Variants in C1D observed in about 807,000 individuals in gnomAD.
C1D encodes the protein C1D nuclear receptor corepressor.
Under a neutral mutation model 17.5 loss-of-function variants are expected in C1D, and 10 were observed. The observed-to-expected ratio is 0.57, with a 90% CI of 0.35 to 0.97. The LOEUF is 0.97. Among genes scored for constraint, C1D ranks in the 50% least tolerant of loss-of-function variants. The probability of loss-of-function intolerance (pLI) is 0.01; values close to 1 mark genes in which losing one functional copy is unlikely to be tolerated. For synonymous variants in C1D, 49 were observed against 54.0 expected (o/e 0.91, Z 0.40); for missense variants, 136 against 160.1 (o/e 0.85, Z 0.81).
rs1444942504 is a variant in C1D, at chr2:68,062,974, CCA to C, written c.-28_-27del. ...GAAAAATACCTCACGGCCTTCGACT[CCA>C]GTCTCCCGGAAAGCGGTCGGGCAAC... On this transcript the variant is annotated 5_prime_UTR_variant, in exon 1 of 5. Transcript: ENST00000410067. 1 of 152,226 alleles carries C rather than the reference CCA, an allele frequency of 6.6e-6. No homozygotes were observed. The highest frequency in any genetic ancestry group is 6.5e-5 in the Admixed American group (1 of 15,278). The allele number at this position is 152,226 out of a possible 1,614,324, so 9.4% of individuals were successfully genotyped here.
chr2:68,053,941 CTCTG>C (rs770121964), intron 1 of C1D, among the ~76,000 whole-genome samples: 1 of 128,846 alleles, frequency 7.8e-6, no homozygotes, highest in African/African-American at 2.6e-5. Flanking sequence ...CTTCTATGCT[CTCTG>C]TCTGGACAAA....
At chr2:68,048,026 CTATA>C (rs1329743856) in intron 1 of C1D, among the ~76,000 whole-genome samples, 9 of 151,788 alleles carry the variant, frequency 5.9e-5, no homozygotes, top group South Asian at 2.1e-4. Context: ...TTTTTCAAGC[CTATA>C]TATATTTATA....
At chr2:68,059,930 G>C (rs1448513326) in intron 1 of C1D, among the ~76,000 whole-genome samples, 1 of 152,112 alleles carries the variant, frequency 6.6e-6, no homozygotes, top group Non-Finnish European at 1.5e-5. Flanking sequence ...TGACCACTCT[G>C]AAGTCCAGAA....
intron 1 of C1D, among the ~76,000 whole-genome samples, chr2:68,062,172 T>C (rs577402002): frequency 6.6e-6 from 1 of 152,342 alleles, no homozygotes; most frequent in South Asian, 2.1e-4. Context: ...CCCATAAATA[T>C]ATACACCTAT....
intron 1 of C1D, among the ~76,000 whole-genome samples, chr2:68,053,941 C>T (rs1408399714): frequency 3.9e-5 from 5 of 128,966 alleles, no homozygotes; most frequent in African/African-American, 1.3e-4. Context: ...CTTCTATGCT[C>T]TCTGTCTGGA....
At chr2:68,052,024 G>C (rs544743488) in intron 1 of C1D, among the ~76,000 whole-genome samples, 36 of 151,898 alleles carry the variant, frequency 2.4e-4, no homozygotes, top group African/African-American at 8.5e-4. Context: ...AAATAATCTA[G>C]ATATTCATCG....
intron 2 of C1D, 22 bp downstream of exon 2, chr2:68,047,151 G>C (rs1169240189): frequency 6.3e-7 from 1 of 1,584,706 alleles, no homozygotes; most frequent in Non-Finnish European, 8.6e-7. Context: ...TTCATTTTTA[G>C]GAAATTACAT....
chr2:68,059,781 T>TTGTTAA (rs374977471), intron 1 of C1D, among the ~76,000 whole-genome samples: 191 of 152,342 alleles, frequency 1.3e-3, no homozygotes, highest in African/African-American at 4.3e-3. Flanking sequence ...TTTTCCCAAC[T>TTGTTAA]TGTTAAAATG....
chr2:68,047,721 T>C (rs1438437432), intron 1 of C1D, among the ~76,000 whole-genome samples: 1 of 152,180 alleles, frequency 6.6e-6, no homozygotes, highest in Non-Finnish European at 1.5e-5. Context: ...ATTGCCACCA[T>C]GCCCAGGTAA....
intron 1 of C1D, among the ~76,000 whole-genome samples, chr2:68,060,592 G>GA (rs1671594424): frequency 6.9e-6 from 1 of 145,756 alleles, no homozygotes; most frequent in African/African-American, 2.5e-5. Flanking sequence ...GCAGTGAGCC[G>GA]AGATTGTGCC....
rs59146582 is a variant in C1D at position 68,056,286 on chromosome 2, G to A, written c.-10+6672C>T. Among the ~76,000 whole-genome samples the A allele has an allele frequency of 3.9e-3, 588 of 152,002 alleles. 4 individuals carry two copies. Among genetic ancestry groups the A allele is most frequent in the African/African-American group, 0.014 (569 of 41,432 alleles). On this transcript the variant is annotated intron_variant, in intron 1 of 4. Transcript: ENST00000410067. ...CCCAGCTAATTTTTGTATTTTTTTA[G>A]GAGAGACGGGGTTTCACCATGTTGG...
chr2:68,046,683 A>T, intron 2 of C1D: 1 of 354,636 alleles, frequency 2.8e-6, no homozygotes, highest in South Asian at 5.6e-5. Flanking sequence ...AATTCTTTTG[A>T]ATTATTTTAA....
chr2:68,050,166 A>G (rs959470919), intron 1 of C1D, among the ~76,000 whole-genome samples: 1 of 152,172 alleles, frequency 6.6e-6, no homozygotes, highest in African/African-American at 2.4e-5. Flanking sequence ...ATCCTTGCAC[A>G]TGTGCTTATA....
chr2:68,050,629 A>G (rs988175362), intron 1 of C1D, among the ~76,000 whole-genome samples: 4 of 152,006 alleles, frequency 2.6e-5, no homozygotes, highest in Non-Finnish European at 4.4e-5. Context: ...TCCTTCTCAC[A>G]TCCTCAGCCC....
intron 4 of C1D, among the ~76,000 whole-genome samples, chr2:68,045,751 G>A (rs72821819): frequency 0.22 from 32,693 of 151,528 alleles, 4,436 homozygotes; most frequent in Non-Finnish European, 0.32. Flanking sequence ...TAATATGTAA[G>A]TTATAAATAA....
At chr2:68,053,219 T>C (rs1202712878) in intron 1 of C1D, 3 of 1,547,450 alleles carry the variant, frequency 1.9e-6, no homozygotes, top group Admixed American at 2.0e-5. Context: ...TGAGACTGAG[T>C]ACCTGGGTTG....
chr2:68,056,134 T>A (rs1345180055), intron 1 of C1D, among the ~76,000 whole-genome samples: 1 of 152,188 alleles, frequency 6.6e-6, no homozygotes, highest in Non-Finnish European at 1.5e-5. Flanking sequence ...ATCACAAAAA[T>A]CCTTTTGAGA....
At position 68,046,334 on chromosome 2, in the gene C1D, A is replaced by G; in HGVS notation, c.205+10T>C. ...TTGCTTTCTAATTAATTCCAAAGTA[A>G]CACACATACCCCAAAACATTGAATT... On this transcript the variant is annotated intron_variant, in intron 3 of 4. Transcript: ENST00000410067. The G allele has an allele frequency of 6.3e-7, 1 of 1,599,954 alleles. No homozygotes were observed. Among genetic ancestry groups the G allele is most frequent in the Non-Finnish European group, 8.5e-7 (1 of 1,170,122 alleles).
At chr2:68,056,020 T>C (rs559673886) in intron 1 of C1D, among the ~76,000 whole-genome samples, 157 of 152,362 alleles carry the variant, frequency 1.0e-3, no homozygotes, top group Admixed American at 2.9e-3. Context: ...GGGTGCTCAC[T>C]ACATCTGTGA....
Sources: gnomAD v4.1 joint callset for allele counts (sites outside exome capture counted in the v4.1 genomes callset) on GRCh38, gnomAD v4.1.1 for gene constraint, MANE v1.5 for transcripts, NCBI Gene and HGNC (gene_info 2026-07-23, HGNC 2026-07-21) for gene names.